The following DST variants were observed in gnomAD, a reference collection of about 807,000 sequenced individuals.
DST encodes dystonin, also known as bullous pemphigoid antigen.
In DST, 253 loss-of-function variants were observed where a neutral mutation model predicts 875.2. The observed-to-expected ratio is 0.29, with a 90% CI of 0.26 to 0.32. DST has a LOEUF of 0.32. Among genes scored for constraint, DST ranks in the 10% least tolerant of loss-of-function variants. DST has a pLI of 1.00. For missense variants in DST, 8,287 were observed against 9,111.6 expected, an observed-to-expected ratio of 0.91 and a Z score of 3.68; for synonymous variants, 3,124 against 3,197.1, an observed-to-expected ratio of 0.98 and a Z score of 0.77.
intron 13 of DST, among the ~76,000 whole-genome samples, chr6:56,648,117 T>A (rs967423098): frequency 2.0e-5 from 3 of 152,308 alleles, no homozygotes; most frequent in Middle Eastern, 3.4e-3. Context: ...AAATTCATGG[T>A]GAAATACTGT....
intron 5 of DST, among the ~76,000 whole-genome samples, chr6:56,723,885 C>G (rs112425674): frequency 0.022 from 3,309 of 152,302 alleles, 127 homozygotes; most frequent in African/African-American, 0.073. Context: ...ATCTCTTTGG[C>G]AAATGAAACC....
chr6:56,932,434 G>C (rs1810834052), intron 2 of DST, among the ~76,000 whole-genome samples: 1 of 152,108 alleles, frequency 6.6e-6, no homozygotes, highest in Non-Finnish European at 1.5e-5. Context: ...GGGCATTTAA[G>C]GGAAGAGCAA....
At chr6:56,706,265 G>A (rs1260085373) in intron 5 of DST, among the ~76,000 whole-genome samples, 1 of 149,814 alleles carries the variant, frequency 6.7e-6, no homozygotes, top group African/African-American at 2.5e-5. Context: ...AGTGGGCCGA[G>A]ATCAAGCCAT....
At chr6:56,942,370 T>A (rs1365861198) in intron 2 of DST, among the ~76,000 whole-genome samples, 1 of 152,154 alleles carries the variant, frequency 6.6e-6, no homozygotes, top group African/African-American at 2.4e-5. Flanking sequence ...TTATTTTCAA[T>A]CTGTCTCTCC....
At chr6:56,877,461 C>T (rs1445377131) in intron 3 of DST, among the ~76,000 whole-genome samples, 6 of 152,206 alleles carry the variant, frequency 3.9e-5, no homozygotes, top group East Asian at 3.8e-4. Context: ...GAGGCAGAGG[C>T]AGGAGAATCA....
At chr6:56,499,443 G>A (rs368193790) in intron 80 of DST, among the ~76,000 whole-genome samples, 5 of 152,092 alleles carry the variant, frequency 3.3e-5, no homozygotes, top group African/African-American at 1.2e-4. Flanking sequence ...AAAGTTAAAT[G>A]TTTTCATGGC....
intron 9 of DST, among the ~76,000 whole-genome samples, 192 bp downstream of exon 9, chr6:56,699,461 T>TG (rs1296287971): frequency 1.3e-5 from 2 of 152,250 alleles, no homozygotes; most frequent in Admixed American, 6.5e-5. Context: ...TTTAAGTTTA[T>TG]CAAGAACAGG....
intron 88 of DST, chr6:56,484,503 A>G (rs2095500055): frequency 6.6e-6 from 1 of 152,210 alleles, no homozygotes; most frequent in African/African-American, 2.4e-5. Flanking sequence ...TATAAATGGA[A>G]TAAGTTTTCT....
intron 73 of DST, among the ~76,000 whole-genome samples, chr6:56,510,529 T>TA (rs956644864): frequency 1.3e-5 from 2 of 152,152 alleles, no homozygotes; most frequent in Admixed American, 6.6e-5. Context: ...TGAGAGAATG[T>TA]AAAATTTTTA....
At position 56,575,786 on chromosome 6, in the gene DST, C is replaced by T. The variant is rs551024790; in HGVS notation, c.13028-1899G>A. 1.5e-4 allele frequency among the ~76,000 whole-genome samples: 23 copies of T among 152,210 alleles called. No individual in the cohort carries two copies. The East Asian group carries it at 4.1e-3, about 27-fold the overall frequency. ...AGAATCTTTTGTTCTGATATTTGGT[C>T]GTTGACCTCAGTTCCTGACATAGAG... On this transcript the variant is annotated intron_variant, in intron 50 of 103. Transcript: ENST00000680361.
chr6:56,635,499 G>A (rs2098816280), intron 24 of DST, 90 bp downstream of exon 24: 2 of 1,299,170 alleles, frequency 1.5e-6, no homozygotes, highest in South Asian at 1.3e-5. Flanking sequence ...AATATCAAGA[G>A]TGCCAATAAA....
chr6:56,501,826 CAT>C, intron 78 of DST, 133 bp from the exon 79 acceptor site: 1 of 564,156 alleles, frequency 1.8e-6, no homozygotes, highest in South Asian at 3.4e-5. Flanking sequence ...AAAAATCTCA[CAT>C]GAGGCTTACC....
At chr6:56,554,242 GC>G (rs1414231633) in intron 60 of DST, among the ~76,000 whole-genome samples, 4 of 151,424 alleles carry the variant, frequency 2.6e-5, no homozygotes, top group African/African-American at 9.7e-5. Context: ...CCGCCACCAC[GC>G]CCGGCTAATT....
intron 4 of DST, among the ~76,000 whole-genome samples, chr6:56,755,133 TA>T (rs61664817): frequency 0.16 from 21,028 of 129,024 alleles, 1,594 homozygotes; most frequent in Middle Eastern, 0.22. Context: ...ATGAAGAAAA[TA>T]AAAAAAAAAA....
At chr6:56,633,925 T>C (rs776095785) in intron 27 of DST, among the ~76,000 whole-genome samples, 13 of 152,214 alleles carry the variant, frequency 8.5e-5, no homozygotes, top group Non-Finnish European at 1.5e-4. Flanking sequence ...AAGTTCTGAA[T>C]GAAATTTGTG....
chr6:56,660,941 T>C (rs1460733405), intron 10 of DST, among the ~76,000 whole-genome samples: 11 of 149,534 alleles, frequency 7.4e-5, no homozygotes, highest in Non-Finnish European at 1.2e-4. Context: ...GTCTAACAAA[T>C]TCAATAATTA....
chr6:56,880,986 T>A (rs997197502), intron 3 of DST, among the ~76,000 whole-genome samples: 1 of 151,002 alleles, frequency 6.6e-6, no homozygotes, highest in Admixed American at 6.6e-5. Flanking sequence ...TAGCTGGGAC[T>A]ACAGTCGCCC....
chr6:56,901,333 C>T (rs1374970166), intron 2 of DST, among the ~76,000 whole-genome samples: 1 of 152,204 alleles, frequency 6.6e-6, no homozygotes, highest in Admixed American at 6.5e-5. Context: ...CAATGGCTCA[C>T]GCCTGTAATC....
chr6:56,654,631 G>C (rs1226837968), intron 10 of DST, among the ~76,000 whole-genome samples: 1 of 131,060 alleles, frequency 7.6e-6, no homozygotes, highest in Non-Finnish European at 1.5e-5. Flanking sequence ...TACATATACA[G>C]GTATGTTGGC....
Sources: allele counts gnomAD v4.1 joint callset (sites outside exome capture counted in the v4.1 genomes callset), GRCh38; gene constraint gnomAD v4.1.1; transcripts MANE v1.5; gene names NCBI Gene and HGNC (gene_info 2026-07-23, HGNC 2026-07-21).